Variants in PSD3 observed in about 807,000 individuals in gnomAD.
PSD3 encodes PH and SEC7 domain-containing protein 3.
In PSD3, 49 loss-of-function variants were observed where a neutral mutation model predicts 105.5. The observed-to-expected ratio is 0.46, with a 90% CI of 0.37 to 0.59. The LOEUF is 0.59. PSD3 is among the 20% of genes least tolerant of loss of function. The probability of loss-of-function intolerance (pLI) is 0.00; values close to 1 mark genes in which losing one functional copy is unlikely to be tolerated. For missense variants in PSD3, 1,561 were observed against 1,263.8 expected, an observed-to-expected ratio of 1.24 and a Z score of -3.57; for synonymous variants, 557 against 457.8, an observed-to-expected ratio of 1.22 and a Z score of -2.77.
At chr8:18,907,657 A>G (rs891306706) in intron 2 of PSD3, among the ~76,000 whole-genome samples, 1 of 152,224 alleles carries the variant, frequency 6.6e-6, no homozygotes, top group African/African-American at 2.4e-5. Context: ...TATACCATAT[A>G]ATCTAGGTTT....
intron 8 of PSD3, among the ~76,000 whole-genome samples, chr8:18,783,987 T>C (rs189523795): frequency 8.3e-4 from 126 of 152,354 alleles, no homozygotes; most frequent in Non-Finnish European, 3.8e-4. Flanking sequence ...TTTGGACCTA[T>C]TGGTTATTTA....
chr8:18,637,051 T>A (rs1337314725), intron 10 of PSD3, among the ~76,000 whole-genome samples: 2 of 152,202 alleles, frequency 1.3e-5, no homozygotes, highest in Non-Finnish European at 1.5e-5. Context: ...TCTTCAATAG[T>A]GAGAAAACTG....
chr8:18,880,457 T>C (rs1818035887), intron 2 of PSD3, among the ~76,000 whole-genome samples: 1 of 152,128 alleles, frequency 6.6e-6, no homozygotes, highest in Non-Finnish European at 1.5e-5. Context: ...GGCACAAGCA[T>C]AGACTCAGGA....
chr8:18,647,866 G>A (rs570652789), intron 10 of PSD3, among the ~76,000 whole-genome samples: 1 of 152,102 alleles, frequency 6.6e-6, no homozygotes, highest in South Asian at 2.1e-4. Context: ...TAAAGGTGTG[G>A]GGCACCTGCC....
chr8:18,879,426 C>G (rs1817974500), intron 2 of PSD3, among the ~76,000 whole-genome samples: 1 of 152,124 alleles, frequency 6.6e-6, no homozygotes, highest in African/African-American at 2.4e-5. Context: ...GACAAATGTT[C>G]TGAGAGGCGA....
intron 10 of PSD3, among the ~76,000 whole-genome samples, chr8:18,651,565 G>A (rs565349827): frequency 2.0e-5 from 3 of 152,154 alleles, no homozygotes; most frequent in South Asian, 4.1e-4. Context: ...AGCAACAGAG[G>A]AGATAAAGGG....
At chr8:18,750,210 T>G (rs531679685) in intron 9 of PSD3, among the ~76,000 whole-genome samples, 90 of 152,346 alleles carry the variant, frequency 5.9e-4, no homozygotes, top group African/African-American at 2.1e-3. Context: ...TTGGTCTCAC[T>G]GACTTCAAGA....
chr8:18,822,971 G>A (rs866421060), intron 4 of PSD3, among the ~76,000 whole-genome samples: 11 of 151,922 alleles, frequency 7.2e-5, no homozygotes, highest in Non-Finnish European at 1.5e-4. Context: ...ATGGCAAGCC[G>A]ATCCAATCAA....
chr8:18,936,003 A>C, intron 2 of PSD3, 31 bp downstream of exon 2: 1 of 1,390,080 alleles, frequency 7.2e-7, no homozygotes, highest in Non-Finnish European at 1.0e-6. Flanking sequence ...CATATAGTTT[A>C]CCTGGGAGAG....
intron 1 of PSD3, among the ~76,000 whole-genome samples, chr8:19,079,774 T>A (rs750518915): frequency 1.2e-4 from 19 of 152,204 alleles, no homozygotes; most frequent in Non-Finnish European, 2.8e-4. Context: ...TTGCTCCTCA[T>A]GGAAATCCCA....
rs72253853 is a variant in PSD3 at position 18,913,086 on chromosome 8, AACACACACACAC to A, written c.130+22936_130+22947del. Among the ~76,000 whole-genome samples the A allele has an allele frequency of 3.3e-4, 43 of 130,542 alleles. 1 individual carries two copies. The highest frequency in any genetic ancestry group is 1.4e-3 in the East Asian group (6 of 4,380). 85.6% of individuals were successfully genotyped at this position (130,542 alleles called of 152,430 possible). On this transcript the variant is annotated intron_variant, in intron 2 of 15. Transcript: ENST00000327040. ...CTTTATAAACACACACACACACACAAACACACACACACACACACACACACACACACACACACA... is the reference window on the plus strand; with the variant it reads ...CTTTATAAACACACACACACACACAAACACACACACACACACACACACACA...
At chr8:18,882,126 T>G (rs1818144316) in intron 2 of PSD3, among the ~76,000 whole-genome samples, 1 of 152,106 alleles carries the variant, frequency 6.6e-6, no homozygotes, top group African/African-American at 2.4e-5. Context: ...GAGGACTGCT[T>G]GAGCCTGGGA....
intron 4 of PSD3, among the ~76,000 whole-genome samples, chr8:18,828,950 T>C (rs1294435219): frequency 1.3e-5 from 2 of 152,094 alleles, no homozygotes; most frequent in South Asian, 4.1e-4. Context: ...AATGAAAATA[T>C]AAAATTCAGT....
At chr8:18,982,297 T>A (rs1825285327) in intron 1 of PSD3, among the ~76,000 whole-genome samples, 1 of 152,210 alleles carries the variant, frequency 6.6e-6, no homozygotes, top group Non-Finnish European at 1.5e-5. Context: ...TTCCATCAAA[T>A]CTGTAGCTAC....
chr8:18,683,330 G>A (rs1800486856), intron 9 of PSD3, among the ~76,000 whole-genome samples: 1 of 152,160 alleles, frequency 6.6e-6, no homozygotes, highest in Non-Finnish European at 1.5e-5. Context: ...CAGCTCCACA[G>A]ACTGGGGGCT....
chr8:19,081,641 G>T (rs182496318), intron 1 of PSD3, among the ~76,000 whole-genome samples: 1 of 152,310 alleles, frequency 6.6e-6, no homozygotes, highest in East Asian at 1.9e-4. Flanking sequence ...TTTTACTAAA[G>T]CCTGGTCATA....
At chr8:18,801,479 A>G (rs1262538227) in intron 6 of PSD3, 97 bp from the exon 7 acceptor site, 1 of 677,322 alleles carries the variant, frequency 1.5e-6, no homozygotes, top group Non-Finnish European at 2.5e-6. Context: ...TAAGATATTA[A>G]TTATACAAAG....
rs1200852818 is a variant in PSD3, at chr8:18,527,397, CTA to C, written c.*8344_*8345del. 1 of 152,518 alleles carries C rather than the reference CTA, an allele frequency of 6.6e-6. No individual in the cohort carries two copies. Among genetic ancestry groups the C allele is most frequent in the Non-Finnish European group, 1.5e-5 (1 of 68,012 alleles). The allele number at this position is 152,518 out of a possible 1,614,324, so 9.4% of individuals were successfully genotyped here. A position where few individuals can be genotyped will look rare whatever the true frequency, so the allele number is the denominator to read the frequency against. ...AATCCTTCACTATTTTGCGTGATTT[CTA>C]TTACATAAAAACCATTTAAATGCAA... On this transcript the variant is annotated 3_prime_UTR_variant, in exon 16 of 16. Coordinates refer to ENST00000327040, the MANE Select transcript of PSD3 (RefSeq NM_015310.4).
chr8:18,970,573 G>A (rs185047689), intron 1 of PSD3, among the ~76,000 whole-genome samples: 54 of 151,928 alleles, frequency 3.6e-4, no homozygotes, highest in South Asian at 4.2e-4. Context: ...CATGCTCCCC[G>A]TCCATCTTCC....
Sources: gnomAD v4.1 joint callset for allele counts (sites outside exome capture counted in the v4.1 genomes callset) on GRCh38, gnomAD v4.1.1 for gene constraint, MANE v1.5 for transcripts, NCBI Gene and HGNC (gene_info 2026-07-23, HGNC 2026-07-21) for gene names.